The following UROS variants were observed in gnomAD, a reference collection of about 807,000 sequenced individuals.
UROS encodes the protein uroporphyrinogen-III synthase.
A neutral mutation model predicts 33.0 loss-of-function variants in UROS; 18 were observed. The observed-to-expected ratio is 0.55, with a 90% CI of 0.38 to 0.81. The LOEUF (loss-of-function observed/expected upper bound fraction) is 0.81. UROS is among the 30% of genes least tolerant of loss of function. The pLI is 0.00. For missense variants in UROS, 293 were observed against 314.9 expected (o/e 0.93, Z 0.53); for synonymous variants, 114 against 121.1 (o/e 0.94, Z 0.38).
chr10:125,800,095 T>C (rs1851703541), intron 6 of UROS, among the ~76,000 whole-genome samples: 1 of 152,156 alleles, frequency 6.6e-6, no homozygotes, highest in African/African-American at 2.4e-5. Flanking sequence ...GTATTATTAT[T>C]ACGCAGCTCA....
chr10:125,796,325 C>A (rs916724675), intron 7 of UROS, 137 bp from the exon 8 acceptor site: 1 of 871,056 alleles, frequency 1.1e-6, no homozygotes, highest in Admixed American at 1.8e-5. Context: ...AGCTGAGAGG[C>A]CAGACTCAGC....
chr10:125,799,863 C>A (rs889540892), intron 6 of UROS, among the ~76,000 whole-genome samples: 1 of 152,168 alleles, frequency 6.6e-6, no homozygotes, highest in African/African-American at 2.4e-5. Context: ...TAGCCCACTT[C>A]AAAAAGCCAA....
Position 125,788,733 on chromosome 10 carries a change from C to T in UROS, c.*135G>A. On this transcript the variant is annotated 3_prime_UTR_variant, in exon 10 of 10. Coordinates refer to ENST00000368797, the MANE Select transcript of UROS (RefSeq NM_000375.3). ...CCCAGGTCAGGTCCCGATCCCCGGT[C>T]CTCAGGTGCTTCCACTCAGGCTTGA... The T allele has an allele frequency of 6.9e-7, 1 of 1,448,304 alleles. No homozygotes were observed. The highest frequency in any genetic ancestry group is 9.1e-7 in the Non-Finnish European group (1 of 1,104,282). The allele number at this position is 1,448,304 out of a possible 1,614,324, so 89.7% of individuals were successfully genotyped here. A position where few individuals can be genotyped will look rare whatever the true frequency, so the allele number is the denominator to read the frequency against.
At chr10:125,815,816 A>T (rs968461356) in intron 3 of UROS, among the ~76,000 whole-genome samples, 3 of 152,196 alleles carry the variant, frequency 2.0e-5, no homozygotes, top group Non-Finnish European at 4.4e-5. Context: ...CCAATCTCTA[A>T]AACGGGAAAA....
At chr10:125,797,305 G>C (rs549670747) in intron 7 of UROS, among the ~76,000 whole-genome samples, 4 of 152,196 alleles carry the variant, frequency 2.6e-5, no homozygotes, top group African/African-American at 4.8e-5. Context: ...AAGGTGTCAT[G>C]CTACATGATC....
At chr10:125,807,127 T>C in intron 6 of UROS, 1 of 430,310 alleles carries the variant, frequency 2.3e-6, no homozygotes, top group African/African-American at 2.0e-5. Context: ...CTCTTTGGAA[T>C]CCCTCAAGTG....
In UROS at chr10:125,816,503, T is replaced by C. The variant is rs1193095480; in HGVS notation, c.-4A>G. 6.2e-7 allele frequency: 1 copy of C among 1,614,096 alleles called. No individual in the cohort carries two copies. The highest frequency in any genetic ancestry group is 8.5e-7 in the Non-Finnish European group (1 of 1,180,036). ...CCTTCAGTAAAAGAACCTTCATTAT[T>C]GCCTGGCAGTCCTTATAGGGCACTG... On this transcript the variant is annotated 5_prime_UTR_variant, in exon 2 of 10. Transcript: ENST00000368797.
At chr10:125,796,508 C>T (rs1166919028) in intron 7 of UROS, among the ~76,000 whole-genome samples, 1 of 152,216 alleles carries the variant, frequency 6.6e-6, no homozygotes, top group African/African-American at 2.4e-5. Flanking sequence ...CAAGGCCGTC[C>T]CTAGTCACTC....
chr10:125,821,936 G>T (rs1350714435), intron 1 of UROS, among the ~76,000 whole-genome samples: 1 of 152,160 alleles, frequency 6.6e-6, no homozygotes, highest in African/African-American at 2.4e-5. Flanking sequence ...CGAAATCACA[G>T]AACACGATTA....
intron 6 of UROS, among the ~76,000 whole-genome samples, chr10:125,800,414 G>T (rs1306868714): frequency 6.6e-6 from 1 of 152,192 alleles, no homozygotes; most frequent in African/African-American, 2.4e-5. Flanking sequence ...GCGTGCTGGG[G>T]GAACGGGGCG....
At position 125,788,880 on chromosome 10, in the gene UROS, A is replaced by T; in HGVS notation, c.786T>A (p.His262Gln). The T allele has an allele frequency of 6.3e-7, 1 of 1,592,904 alleles. No individual in the cohort carries two copies. Among genetic ancestry groups the T allele is most frequent in the Non-Finnish European group, 8.5e-7 (1 of 1,171,628 alleles). The change falls in exon 10 of 10, where the codon CAT (histidine) becomes CAA (glutamine). Residue 262 changes from histidine to glutamine, a missense_variant. Coordinates refer to ENST00000368797, the MANE Select transcript of UROS (RefSeq NM_000375.3). Reference protein sequence around the residue: ...ATGIRKALQPHGCC With the variant: ...ATGIRKALQPQGCC ...CTAGGTGGCTGACTCAGCAGCAGCC[A>T]TGGGGCTGGAGAGCCTTCCTGATGC...
At chr10:125,809,873 C>A (rs1320748885) in intron 5 of UROS, among the ~76,000 whole-genome samples, 1 of 152,206 alleles carries the variant, frequency 6.6e-6, no homozygotes, top group African/African-American at 2.4e-5. Flanking sequence ...CCAGCATGTA[C>A]TTTTTGCCAT....
chr10:125,797,449 T>C (rs1421168720), intron 7 of UROS, among the ~76,000 whole-genome samples: 1 of 152,122 alleles, frequency 6.6e-6, no homozygotes, highest in Admixed American at 6.5e-5. Context: ...AGAGGGAGAA[T>C]TCAAATCTGT....
At chr10:125,795,962 G>A (rs1341652713) in intron 8 of UROS, 141 bp downstream of exon 8, 3 of 797,188 alleles carry the variant, frequency 3.8e-6, no homozygotes, top group South Asian at 1.4e-5. Flanking sequence ...GACCAACTAT[G>A]TGACAGGAAA....
chr10:125,815,265 A>C, intron 3 of UROS, 135 bp from the exon 4 acceptor site: 1 of 935,278 alleles, frequency 1.1e-6, no homozygotes, highest in Non-Finnish European at 1.7e-6. Flanking sequence ...TCCCCCCAAC[A>C]CTTACTGAGT....
downstream of UROS, among the ~76,000 whole-genome samples, chr10:125,787,315 T>A (rs1850660661): frequency 1.3e-5 from 2 of 151,840 alleles, no homozygotes; most frequent in South Asian, 4.2e-4. Context: ...AGCCCACACA[T>A]CCCTCCCGCT....
intron 1 of UROS, among the ~76,000 whole-genome samples, chr10:125,822,718 T>C (rs1170353860): frequency 6.6e-6 from 1 of 152,002 alleles, no homozygotes; most frequent in Admixed American, 6.5e-5. Context: ...TTGACCTCCC[T>C]AAGTGCTGGG....
At chr10:125,815,186 C>T (rs1209644579) in intron 3 of UROS, 56 bp from the exon 4 acceptor site, 10 of 1,584,250 alleles carry the variant, frequency 6.3e-6, no homozygotes, top group Admixed American at 1.7e-5. Flanking sequence ...TCAACATCTT[C>T]CAAGGAGCTA....
chr10:125,816,313 G>A, intron 2 of UROS, 53 bp from the exon 3 acceptor site: 2 of 1,602,904 alleles, frequency 1.2e-6, no homozygotes, highest in Non-Finnish European at 1.7e-6. Flanking sequence ...TTAAAATAAG[G>A]GAACATTAAC....
Sources: allele counts gnomAD v4.1 joint callset (sites outside exome capture counted in the v4.1 genomes callset), GRCh38; gene constraint gnomAD v4.1.1; transcripts MANE v1.5; gene names NCBI Gene and HGNC (gene_info 2026-07-23, HGNC 2026-07-21).